FAM184A: variants seen among roughly 807,000 people sequenced by gnomAD.
FAM184A encodes family with sequence similarity 184 member A, also known as protein FAM184A.
In FAM184A, 99 loss-of-function variants were observed where a neutral mutation model predicts 143.8. The ratio of observed to expected loss-of-function variants is 0.69; its 90% confidence interval spans 0.58 to 0.81. The LOEUF is 0.81. FAM184A is among the 40% of genes least tolerant of loss of function. The pLI is 0.00. For missense variants in FAM184A, 1,217 were observed against 1,310.5 expected (o/e 0.93, Z 1.10); for synonymous variants, 427 against 446.4 (o/e 0.96, Z 0.55).
intron 1 of FAM184A, among the ~76,000 whole-genome samples, chr6:119,087,004 A>G (rs1277971203): frequency 2.0e-5 from 3 of 152,194 alleles, no homozygotes; most frequent in Admixed American, 1.3e-4. Flanking sequence ...GATTTTTTCC[A>G]AGGAGGGGAG....
chr6:119,143,365 A>G (rs1459640269), intron 1 of FAM184A, among the ~76,000 whole-genome samples: 1 of 152,210 alleles, frequency 6.6e-6, no homozygotes, highest in Non-Finnish European at 1.5e-5. Flanking sequence ...AGAAGCCCAC[A>G]TTGTCCTGTT....
At chr6:119,033,664 CAA>C (rs532353203) in intron 1 of FAM184A, among the ~76,000 whole-genome samples, 11 of 110,184 alleles carry the variant, frequency 1.0e-4, no homozygotes, top group Admixed American at 3.8e-4. Context: ...GACTCCGTCT[CAA>C]AAAAAAAAAA....
intron 14 of FAM184A, among the ~76,000 whole-genome samples, chr6:118,969,489 C>A (rs889881428): frequency 1.3e-5 from 2 of 152,096 alleles, no homozygotes; most frequent in African/African-American, 4.8e-5. Context: ...TCATTAATTA[C>A]TAGTCTTTCA....
intron 1 of FAM184A, among the ~76,000 whole-genome samples, chr6:119,084,061 T>A (rs1380347074): frequency 6.6e-6 from 1 of 151,546 alleles, no homozygotes; most frequent in Non-Finnish European, 1.5e-5. Context: ...GCAAGGCACA[T>A]CTTACATTGT....
rs772310108 is a variant in FAM184A at position 118,975,991 on chromosome 6, G to A, written c.2509C>T (p.Arg837Trp). 68 of 1,612,914 alleles carry A rather than the reference G, an allele frequency of 4.2e-5. No homozygotes were observed. The highest frequency in any genetic ancestry group is 5.2e-5 in the Non-Finnish European group (61 of 1,179,768). Residue 837 changes from arginine to tryptophan, a missense_variant, in exon 12 of 18, where the codon CGG becomes TGG. Arg to Trp is a moderately radical substitution (Grantham distance 101). Transcript: ENST00000338891. Reference protein sequence around the residue: ...HQHAAAIDLLRHNHHQELAAA... With the variant: ...HQHAAAIDLLWHNHHQELAAA... Reference sequence around the variant, plus strand: ...GCCAATTCTTGATGATGATTATGCCGTAACAAATCAATTGCAGCTGCATGT... The same window carrying A: ...GCCAATTCTTGATGATGATTATGCCATAACAAATCAATTGCAGCTGCATGT...
intron 1 of FAM184A, among the ~76,000 whole-genome samples, chr6:119,085,630 G>C (rs570559288): frequency 6.6e-6 from 1 of 152,272 alleles, no homozygotes; most frequent in East Asian, 1.9e-4. Context: ...CACATTTTCA[G>C]GTATATTTAC....
intron 1 of FAM184A, among the ~76,000 whole-genome samples, chr6:119,037,875 A>C (rs992926165): frequency 2.6e-5 from 4 of 152,198 alleles, no homozygotes. Context: ...AAATAAGAAA[A>C]AGGTAAACTC....
At chr6:119,128,926 C>T (rs1789452276) in intron 1 of FAM184A, among the ~76,000 whole-genome samples, 1 of 151,574 alleles carries the variant, frequency 6.6e-6, no homozygotes, top group Non-Finnish European at 1.5e-5. Flanking sequence ...TTTTAAGGTC[C>T]AATAAAAAAC....
chr6:119,085,111 C>G (rs762706086), intron 1 of FAM184A, among the ~76,000 whole-genome samples: 2 of 152,224 alleles, frequency 1.3e-5, no homozygotes, highest in Non-Finnish European at 2.9e-5. Flanking sequence ...ATTTCTGTGG[C>G]CTGCTTGAAT....
At chr6:118,979,069 T>A (rs1294442315) in intron 11 of FAM184A, among the ~76,000 whole-genome samples, 1 of 152,174 alleles carries the variant, frequency 6.6e-6, no homozygotes, top group Admixed American at 6.5e-5. Flanking sequence ...TACTGAGCAG[T>A]GATTGATTTC....
At chr6:119,140,280 GC>G (rs1051121255) in intron 1 of FAM184A, among the ~76,000 whole-genome samples, 33 of 152,268 alleles carry the variant, frequency 2.2e-4, no homozygotes, top group African/African-American at 7.9e-4. Flanking sequence ...GCAGGAGAAT[GC>G]ATTTTCTGGC....
intron 1 of FAM184A, among the ~76,000 whole-genome samples, chr6:119,038,593 G>A (rs1423619917): frequency 6.6e-6 from 1 of 152,192 alleles, no homozygotes; most frequent in Admixed American, 6.5e-5. Flanking sequence ...GGTCTGAAAA[G>A]AGGAGGCATA....
intron 1 of FAM184A, among the ~76,000 whole-genome samples, chr6:119,089,308 A>G (rs1166195230): frequency 6.6e-6 from 1 of 151,594 alleles, no homozygotes; most frequent in Non-Finnish European, 1.5e-5. Flanking sequence ...GGTTCAAGCG[A>G]TTCTCCTGTC....
chr6:118,967,539 T>C (rs1461594795), intron 14 of FAM184A, among the ~76,000 whole-genome samples: 1 of 152,150 alleles, frequency 6.6e-6, no homozygotes, highest in African/African-American at 2.4e-5. Context: ...AAGAGAAGAA[T>C]TATGTTCCCT....
upstream of FAM184A, among the ~76,000 whole-genome samples, chr6:119,080,571 C>T (rs764452435): frequency 7.2e-5 from 11 of 152,088 alleles, no homozygotes; most frequent in Admixed American, 2.6e-4. Flanking sequence ...ATATACAGGT[C>T]GAGTATCCTT....
intron 1 of FAM184A, among the ~76,000 whole-genome samples, chr6:119,089,167 T>G (rs935745071): frequency 8.0e-5 from 12 of 150,274 alleles, no homozygotes; most frequent in South Asian, 4.2e-4. Flanking sequence ...CTATTTTTTT[T>G]TTTTAATTAT....
intron 1 of FAM184A, among the ~76,000 whole-genome samples, chr6:119,107,144 T>A (rs565379489): frequency 6.6e-5 from 10 of 152,346 alleles, no homozygotes; most frequent in African/African-American, 1.9e-4. Context: ...ATAAGCTGCA[T>A]ATGAAAATAG....
intron 16 of FAM184A, 82 bp downstream of exon 16, chr6:118,964,585 C>G (rs948689138): frequency 3.1e-6 from 2 of 643,570 alleles, no homozygotes; most frequent in African/African-American, 3.6e-5. Context: ...CTTTATCTAA[C>G]TATGCTGCTC....
chr6:119,064,996 A>C (rs1449651839), intron 1 of FAM184A, among the ~76,000 whole-genome samples: 1 of 152,152 alleles, frequency 6.6e-6, no homozygotes, highest in African/African-American at 2.4e-5. Context: ...CTAGATGTAC[A>C]TGGCCAACTA....
Sources: allele counts gnomAD v4.1 joint callset (sites outside exome capture counted in the v4.1 genomes callset), GRCh38; gene constraint gnomAD v4.1.1; transcripts MANE v1.5; gene names NCBI Gene and HGNC (gene_info 2026-07-23, HGNC 2026-07-21).